Variants in DIAPH2 observed in about 807,000 individuals in gnomAD.
DIAPH2 encodes diaphanous related formin 2, also known as protein diaphanous homolog 2.
Under a neutral mutation model 92.7 loss-of-function variants are expected in DIAPH2, and 35 were observed. The ratio of observed to expected loss-of-function variants is 0.38; its 90% confidence interval spans 0.29 to 0.50. The LOEUF is 0.50. DIAPH2 is among the 20% of genes least tolerant of loss of function. The pLI is 0.94. For missense variants in DIAPH2, 701 were observed against 819.5 expected (o/e 0.86, Z 1.77); for synonymous variants, 301 against 280.4 (o/e 1.07, Z -0.73).
At chrX:97,438,351 G>GTTTTTTT (rs1569397496) in intron 26 of DIAPH2, among the ~76,000 whole-genome samples, 2 of 51,343 alleles carry the variant, frequency 3.9e-5, no homozygotes, top group Admixed American at 2.6e-4. Context: ...TTTTTTTTTT[G>GTTTTTTT]TTTGTTTGTT....
chrX:96,981,509 G>A (rs2065997485), intron 17 of DIAPH2, among the ~76,000 whole-genome samples: 1 of 112,090 alleles, frequency 8.9e-6, no homozygotes, highest in African/African-American at 3.2e-5. Flanking sequence ...GACAATTTCT[G>A]TAATTATATG....
chrX:97,127,449 A>G (rs657818), intron 21 of DIAPH2, among the ~76,000 whole-genome samples: 22,884 of 111,521 alleles, frequency 0.21, 2,911 homozygotes, highest in African/African-American at 0.47. Flanking sequence ...GGGACAGATG[A>G]ACATGCTTGA....
intron 22 of DIAPH2, among the ~76,000 whole-genome samples, chrX:97,185,238 T>C (rs2067570685): frequency 1.1e-5 from 1 of 88,639 alleles, no homozygotes; most frequent in African/African-American, 4.2e-5. Flanking sequence ...AGACAGAGAT[T>C]GCAGTGAGCC....
chrX:97,189,321 GA>G (rs1243541398), intron 22 of DIAPH2, among the ~76,000 whole-genome samples: 2 of 110,786 alleles, frequency 1.8e-5, no homozygotes, highest in Admixed American at 1.9e-4. Flanking sequence ...GTGGTATATA[GA>G]AGAACAGAAG....
intron 23 of DIAPH2, among the ~76,000 whole-genome samples, chrX:97,345,487 C>A (rs1368213952): frequency 9.0e-6 from 1 of 111,198 alleles, no homozygotes; most frequent in Non-Finnish European, 1.9e-5. Context: ...AAATTTGGCC[C>A]CAGGTTATAA....
chrX:96,686,946 G>T (rs920157645), intron 1 of DIAPH2, among the ~76,000 whole-genome samples: 4 of 111,608 alleles, frequency 3.6e-5, no homozygotes, highest in Admixed American at 1.9e-4. Context: ...AGGAGTTGTG[G>T]TATGGGATTA....
intron 17 of DIAPH2, among the ~76,000 whole-genome samples, chrX:96,979,506 A>G (rs1199108917): frequency 8.9e-6 from 1 of 112,322 alleles, no homozygotes; most frequent in East Asian, 2.8e-4. Flanking sequence ...CTCCCTGAAC[A>G]CAGTTTAATT....
chrX:97,144,638 ATT>A (rs1214186858), intron 22 of DIAPH2, among the ~76,000 whole-genome samples: 3 of 95,852 alleles, frequency 3.1e-5, no homozygotes, highest in South Asian at 4.8e-4. Context: ...ATATATATAT[ATT>A]TTATATAGTT....
intron 26 of DIAPH2, among the ~76,000 whole-genome samples, chrX:97,439,065 G>A (rs922212425): frequency 4.5e-5 from 5 of 111,692 alleles, no homozygotes; most frequent in African/African-American, 1.6e-4. Flanking sequence ...AAGAGGGACT[G>A]GATTGAGGGT....
intron 21 of DIAPH2, among the ~76,000 whole-genome samples, chrX:97,117,955 T>A (rs934250826): frequency 9.0e-6 from 1 of 111,233 alleles, no homozygotes; most frequent in Non-Finnish European, 1.9e-5. Flanking sequence ...CAAGGCCATT[T>A]GTTTGTTGTT....
At chrX:96,988,539 G>C (rs2066047545) in intron 17 of DIAPH2, among the ~76,000 whole-genome samples, 1 of 110,612 alleles carries the variant, frequency 9.0e-6, no homozygotes, top group Non-Finnish European at 1.9e-5. Context: ...AAAGGCTGAA[G>C]AGGATAGTGT....
chrX:96,957,081 C>T (rs1028624923), intron 15 of DIAPH2, among the ~76,000 whole-genome samples: 26 of 112,475 alleles, frequency 2.3e-4, no homozygotes, highest in East Asian at 8.4e-4. Flanking sequence ...AGTGCAGTGG[C>T]GTGAGCTCAG....
chrX:97,491,262 CT>C (rs2070723502), intron 26 of DIAPH2, among the ~76,000 whole-genome samples: 1 of 111,440 alleles, frequency 9.0e-6, no homozygotes, highest in African/African-American at 3.3e-5. Context: ...TGTGGAATAT[CT>C]TTTTCTGTCT....
intron 4 of DIAPH2, among the ~76,000 whole-genome samples, chrX:96,825,070 C>T (rs1273925575): frequency 9.3e-6 from 1 of 107,866 alleles, no homozygotes; most frequent in African/African-American, 3.4e-5. Flanking sequence ...CTCAGCCTCC[C>T]GAGTAGCTGG....
intron 23 of DIAPH2, among the ~76,000 whole-genome samples, chrX:97,347,674 G>T (rs1482360515): frequency 9.0e-6 from 1 of 111,122 alleles, no homozygotes; most frequent in Admixed American, 9.6e-5. Flanking sequence ...GGGCTAAAAT[G>T]TGTCTTCCCC....
At chrX:96,703,348 GTATAAA>G (rs2063865896) in intron 1 of DIAPH2, among the ~76,000 whole-genome samples, 2 of 111,974 alleles carry the variant, frequency 1.8e-5, no homozygotes, top group African/African-American at 6.5e-5. Context: ...CCTGTTTGTA[GTATAAA>G]TATAAAGATA....
chrX:97,057,079 C>A (rs1256103166), intron 17 of DIAPH2, among the ~76,000 whole-genome samples: 1 of 111,848 alleles, frequency 8.9e-6, no homozygotes, highest in Non-Finnish European at 1.9e-5. Flanking sequence ...TTGATAATTA[C>A]TATTAGAAAG....
At chrX:97,300,729 G>C (rs1479524698) in intron 23 of DIAPH2, among the ~76,000 whole-genome samples, 2 of 92,456 alleles carry the variant, frequency 2.2e-5, no homozygotes, top group Non-Finnish European at 4.3e-5. Flanking sequence ...TCAGGAGATT[G>C]AGACCATCCT....
intron 5 of DIAPH2, among the ~76,000 whole-genome samples, chrX:96,899,875 A>G (rs1312338465): frequency 9.0e-6 from 1 of 111,066 alleles, no homozygotes. Context: ...TGTCATAGAT[A>G]GCTCTTATTG....
Sources: allele counts gnomAD v4.1 joint callset (sites outside exome capture counted in the v4.1 genomes callset), GRCh38; gene constraint gnomAD v4.1.1; transcripts MANE v1.5; gene names NCBI Gene and HGNC (gene_info 2026-07-23, HGNC 2026-07-21).